Variants in TTC23 observed in about 807,000 individuals in gnomAD.
TTC23 encodes the protein tetratricopeptide repeat protein 23.
A neutral mutation model predicts 55.1 loss-of-function variants in TTC23; 58 were observed. That is an observed-to-expected ratio of 1.05 (90% CI 0.85 to 1.31). TTC23 has a LOEUF of 1.31. Ranked by LOEUF, TTC23 falls within the 50% of genes most tolerant of loss-of-function variation. The probability of loss-of-function intolerance (pLI) is 0.00; values close to 1 mark genes in which losing one functional copy is unlikely to be tolerated. For synonymous variants in TTC23, 203 were observed against 199.9 expected, an observed-to-expected ratio of 1.02 and a Z score of -0.13; for missense variants, 516 against 534.4, an observed-to-expected ratio of 0.97 and a Z score of 0.34.
At position 99,199,994 on chromosome 15, in the gene TTC23, T is replaced by G. The variant is rs749548710; in HGVS notation, c.684A>C (p.Val228=). 1.2e-5 allele frequency: 19 copies of G among 1,614,110 alleles called. No individual in the cohort carries two copies. The highest frequency in any genetic ancestry group is 1.6e-5 in the Non-Finnish European group (19 of 1,180,016). The change falls in exon 9 of 14, where the codon GTA becomes GTC. Residue 228 remains valine (V), a synonymous_variant. Transcript: ENST00000394132. ...ISKGETSREC[V]PILRELAGVE... ...CACCTGCTAATTCTCTCAATATGGG[T>G]ACACACTCACGACTTGTTTCACCTT...
At position 99,221,776 on chromosome 15, in the gene TTC23, T is replaced by C. The variant is rs372042699; in HGVS notation, c.269A>G (p.His90Arg). The change falls in exon 6 of 14, where the codon CAT (histidine) becomes CGT (arginine). Residue 90 changes from histidine (H) to arginine (R), a missense_variant. Coordinates refer to ENST00000394132, the MANE Select transcript of TTC23 (RefSeq NM_001288615.3). The stretch of plus-strand genomic sequence containing the variant: ...GAGGTAGCCTTGAGCCAGATTAACA[T>C]GTGCCTCTGCTAGTTTCCAATGTGA... Reference protein sequence around the residue: ...GDSHWKLAEAHVNLAQGYLQL... With the variant: ...GDSHWKLAEARVNLAQGYLQL... 117 of 1,614,062 alleles carry C rather than the reference T, an allele frequency of 7.2e-5. No individual in the cohort carries two copies. The highest frequency in any genetic ancestry group is 1.5e-4 in the African/African-American group (11 of 74,944).
chr15:99,138,037 C>A lies in TTC23; in HGVS notation c.1317G>T (p.Lys439Asn). The part of the protein sequence containing the change: ...TSIPQDTLLG[K>N]ARPGTTAD ...AGTCTGCTGTTGTGCCGGGCCGGGC[C>A]TTCCCCAGCAGGGTGTCCTGAGGGA... Residue 439 changes from lysine (K) to asparagine (N), a missense_variant, in exon 14 of 14, where the codon AAG becomes AAT. Physicochemically the swap from Lys to Asn is moderately conservative, Grantham distance 94. Coordinates refer to ENST00000394132, the MANE Select transcript of TTC23 (RefSeq NM_001288615.3). 6.2e-7 allele frequency: 1 copy of A among 1,614,094 alleles called. No individual in the cohort carries two copies. Among genetic ancestry groups the A allele is most frequent in the Middle Eastern group, 1.7e-4 (1 of 6,016 alleles).
intron 9 of TTC23, among the ~76,000 whole-genome samples, chr15:99,178,643 G>C (rs926185992): frequency 3.9e-5 from 6 of 152,178 alleles, no homozygotes; most frequent in Non-Finnish European, 8.8e-5. Flanking sequence ...CAGATTTACA[G>C]ACACTGCCCC....
In TTC23 at chr15:99,137,192, G is replaced by A. The variant is rs1328720446; in HGVS notation, c.*818C>T. On this transcript the variant is annotated 3_prime_UTR_variant, in exon 14 of 14. Transcript: ENST00000394132. Reference sequence around the variant, plus strand: ...GGAAGGCACTCAAAGCTTCCTGTTCGACTTTGCCATCCTCACACGACTATG... The same window carrying A: ...GGAAGGCACTCAAAGCTTCCTGTTCAACTTTGCCATCCTCACACGACTATG... 1.3e-5 allele frequency: 2 copies of A among 152,348 alleles called. No individual in the cohort carries two copies. The highest frequency in any genetic ancestry group is 1.5e-5 in the Non-Finnish European group (1 of 68,100). 9.4% of individuals were successfully genotyped at this position (152,348 alleles called of 1,614,324 possible). A position where few individuals can be genotyped will look rare whatever the true frequency, so the allele number is the denominator to read the frequency against.
intron 12 of TTC23, among the ~76,000 whole-genome samples, chr15:99,147,659 A>T (rs775507219): frequency 5.3e-5 from 8 of 152,178 alleles, no homozygotes; most frequent in Non-Finnish European, 8.8e-5. Context: ...CACACTTCTC[A>T]ACCCAAGAAC....
chr15:99,153,006 C>T (rs558355779), intron 12 of TTC23, among the ~76,000 whole-genome samples: 1 of 152,298 alleles, frequency 6.6e-6, no homozygotes, highest in African/African-American at 2.4e-5. Flanking sequence ...GCTGTGTTGG[C>T]CAAGCTGGTC....
chr15:99,219,174 A>C, intron 6 of TTC23, 126 bp from the exon 7 acceptor site: 2 of 1,065,674 alleles, frequency 1.9e-6, no homozygotes, highest in Admixed American at 4.6e-5. Context: ...ATGGAGACGT[A>C]TCTGGGCAGC....
intron 9 of TTC23, among the ~76,000 whole-genome samples, chr15:99,188,283 A>G (rs184421738): frequency 9.6e-4 from 146 of 152,222 alleles, no homozygotes; most frequent in African/African-American, 3.4e-3. Flanking sequence ...TGGAATGTCT[A>G]GAATAGAAAA....
chr15:99,223,736 C>G (rs2078144326), intron 5 of TTC23, among the ~76,000 whole-genome samples: 1 of 152,242 alleles, frequency 6.6e-6, no homozygotes, highest in Non-Finnish European at 1.5e-5. Flanking sequence ...TCTCCAGACC[C>G]TTCAAGACCA....
chr15:99,216,301 G>A (rs2077470571), intron 8 of TTC23, among the ~76,000 whole-genome samples: 1 of 152,128 alleles, frequency 6.6e-6, no homozygotes, highest in Admixed American at 6.5e-5. Context: ...AGTAGGTCTT[G>A]GAGGGAAATT....
At chr15:99,235,429 G>A (rs1434469500) in intron 3 of TTC23, among the ~76,000 whole-genome samples, 1 of 150,020 alleles carries the variant, frequency 6.7e-6, no homozygotes. Context: ...AAAGTGCAGT[G>A]GCGCGATCTC....
In TTC23 at chr15:99,156,396, C is replaced by A. The variant is rs538018775; in HGVS notation, c.994-99G>T. On this transcript the variant is annotated intron_variant, in intron 11 of 13. Coordinates refer to ENST00000394132, the MANE Select transcript of TTC23 (RefSeq NM_001288615.3). ...TTTTCACATGGGTGTGGTAGTCTCA[C>A]GAGCTGAGCCTGTTCTCCTCTTGTA... 4.3e-6 allele frequency: 6 copies of A among 1,392,390 alleles called. No homozygotes were observed. In the East Asian group the frequency reaches 9.2e-5, roughly 21 times the overall value. 86.3% of individuals were successfully genotyped at this position (1,392,390 alleles called of 1,614,324 possible).
chr15:99,165,896 TAGTC>T (rs1298701018), intron 10 of TTC23, among the ~76,000 whole-genome samples: 1 of 152,162 alleles, frequency 6.6e-6, no homozygotes, highest in Non-Finnish European at 1.5e-5. Context: ...TGAATGAAGA[TAGTC>T]AGGAGTGGAG....
intron 5 of TTC23, among the ~76,000 whole-genome samples, chr15:99,227,913 C>G (rs1596913669): frequency 6.6e-6 from 1 of 152,210 alleles, no homozygotes; most frequent in Non-Finnish European, 1.5e-5. Flanking sequence ...CTGTCCACCC[C>G]TTCGTGTTTT....
At chr15:99,147,040 A>G (rs1264415638) in intron 12 of TTC23, among the ~76,000 whole-genome samples, 15 of 149,022 alleles carry the variant, frequency 1.0e-4, no homozygotes, top group East Asian at 4.0e-4. Context: ...TCAGCCTCCC[A>G]AGTAGCTGAG....
At chr15:99,206,873 GTTCC>G (rs1248427835) in intron 8 of TTC23, among the ~76,000 whole-genome samples, 25 of 151,802 alleles carry the variant, frequency 1.6e-4, no homozygotes, top group African/African-American at 5.8e-4. Context: ...TGATTTTCTA[GTTCC>G]TTATGACACA....
chr15:99,247,894 T>G (rs1166003312), intron 1 of TTC23, among the ~76,000 whole-genome samples: 2 of 152,146 alleles, frequency 1.3e-5, no homozygotes, highest in Non-Finnish European at 2.9e-5. Context: ...TTGAGTTATA[T>G]CCTTAAGACA....
chr15:99,203,980 T>C (rs763543105), intron 8 of TTC23, among the ~76,000 whole-genome samples: 7 of 152,220 alleles, frequency 4.6e-5, no homozygotes, highest in Non-Finnish European at 7.3e-5. Flanking sequence ...TCTTTTGATA[T>C]ACTGATTTCC....
At chr15:99,166,324 C>A (rs2072084031) in intron 10 of TTC23, among the ~76,000 whole-genome samples, 1 of 152,202 alleles carries the variant, frequency 6.6e-6, no homozygotes, top group Admixed American at 6.5e-5. Context: ...TGGGCTGGTC[C>A]TCTCAACCCG....
Sources: allele counts gnomAD v4.1 joint callset (sites outside exome capture counted in the v4.1 genomes callset), GRCh38; gene constraint gnomAD v4.1.1; transcripts MANE v1.5; gene names NCBI Gene and HGNC (gene_info 2026-07-23, HGNC 2026-07-21).